The following RYR2 variants were observed in gnomAD, a reference collection of about 807,000 sequenced individuals.
RYR2 encodes ryanodine receptor 2.
RYR2 carries 227 observed loss-of-function variants against 601.1 expected under a neutral mutation model. The ratio of observed to expected loss-of-function variants is 0.38; its 90% CI spans 0.34 to 0.42. The LOEUF (loss-of-function observed/expected upper bound fraction) is 0.42. Among genes scored for constraint, RYR2 ranks in the 10% least tolerant of loss-of-function variants. The probability of loss-of-function intolerance (pLI) is 1.00; values close to 1 mark genes in which losing one functional copy is unlikely to be tolerated. For synonymous variants in RYR2, 2,223 were observed against 2,175.1 expected (o/e 1.02, Z -0.61); for missense variants, 4,646 against 6,156.5 (o/e 0.75, Z 8.21).
At chr1:237,272,338 G>T (rs921704345) in intron 2 of RYR2, among the ~76,000 whole-genome samples, 1 of 151,866 alleles carries the variant, frequency 6.6e-6, no homozygotes, top group African/African-American at 2.4e-5. Context: ...AAAAATAGAG[G>T]GGGGAAGCAG....
intron 1 of RYR2, among the ~76,000 whole-genome samples, chr1:237,084,195 C>G (rs967250706): frequency 6.6e-6 from 1 of 152,166 alleles, no homozygotes; most frequent in African/African-American, 2.4e-5. Flanking sequence ...GTGCCTCATA[C>G]CCATTTTCAC....
At chr1:237,466,368 A>G (rs544139060) in intron 16 of RYR2, among the ~76,000 whole-genome samples, 3 of 152,028 alleles carry the variant, frequency 2.0e-5, no homozygotes, top group Non-Finnish European at 4.4e-5. Context: ...GGGTCATGCT[A>G]TGTTGCCCAG....
At chr1:237,304,764 T>C (rs1441591468) in intron 2 of RYR2, among the ~76,000 whole-genome samples, 1 of 152,226 alleles carries the variant, frequency 6.6e-6, no homozygotes, top group African/African-American at 2.4e-5. Context: ...AAGCAAAAAC[T>C]ACAGACTGTC....
At chr1:237,284,596 CCACACACA>C (rs1558554180) in intron 2 of RYR2, among the ~76,000 whole-genome samples, 1 of 85,422 alleles carries the variant, frequency 1.2e-5, no homozygotes, top group Non-Finnish European at 2.0e-5. Context: ...ACACACAGAC[CCACACACA>C]CATACACACC....
chr1:237,137,490 G>A (rs1005944284), intron 1 of RYR2, among the ~76,000 whole-genome samples: 20 of 152,184 alleles, frequency 1.3e-4, no homozygotes, highest in South Asian at 8.3e-4. Context: ...GTTGTGCTTC[G>A]TTTAGACTTG....
At chr1:237,672,262 C>A (rs1253389272) in intron 58 of RYR2, among the ~76,000 whole-genome samples, 1 of 152,114 alleles carries the variant, frequency 6.6e-6, no homozygotes, top group Non-Finnish European at 1.5e-5. Flanking sequence ...AAATTATAGA[C>A]CTCTTTAAAG....
rs150325348 is a variant in RYR2, at chr1:237,637,990, T to C, written c.6793-367T>C. 2.2e-4 allele frequency among the ~76,000 whole-genome samples: 34 copies of C among 152,064 alleles called. No homozygotes were observed. The East Asian group carries it at 6.6e-3, about 30-fold the overall frequency. ...GGCTGCTGCTTTATTGTCTCCAAAG[T>C]GTTTAAGGAGATGGTGCAAATAAAA... On this transcript the variant is annotated intron_variant, in intron 44 of 104. Transcript: ENST00000366574.
chr1:237,546,993 A>ATTTATTTATT (rs56191820), intron 25 of RYR2, among the ~76,000 whole-genome samples: 77 of 127,396 alleles, frequency 6.0e-4, no homozygotes, highest in African/African-American at 2.0e-3. Context: ...ATATATATAT[A>ATTTATTTATT]TATTTATTTA....
intron 93 of RYR2, 75 bp downstream of exon 93, chr1:237,791,590 C>T (rs1056628763): frequency 3.2e-5 from 25 of 781,468 alleles, no homozygotes; most frequent in Middle Eastern, 5.0e-4. Flanking sequence ...TCACGATGAA[C>T]GTATCTACTA....
At chr1:237,424,219 A>ACTT (rs1705888982) in intron 12 of RYR2, among the ~76,000 whole-genome samples, 2 of 152,200 alleles carry the variant, frequency 1.3e-5, no homozygotes, top group Admixed American at 1.3e-4. Flanking sequence ...AGATTGTGAA[A>ACTT]CTTGGGAAAG....
In RYR2 at chr1:237,654,342, T is replaced by C; in HGVS notation, c.7893T>C (p.Gly2631=). 6.2e-7 allele frequency: 1 copy of C among 1,613,962 alleles called. No homozygotes were observed. Among genetic ancestry groups the C allele is most frequent in the Non-Finnish European group, 8.5e-7 (1 of 1,179,870 alleles). Reference sequence around the variant, plus strand: ...TGCCTGGAGGGTGGGGAAACTTTGGTGCTGCCTCAGAAGAAGAACTTCATT... The same window carrying C: ...TGCCTGGAGGGTGGGGAAACTTTGGCGCTGCCTCAGAAGAAGAACTTCATT... The part of the protein sequence containing the change: ...YCLPGGWGNF[G]AASEEELHLS... Residue 2631 remains glycine (G), a synonymous_variant, in exon 52 of 105, where the codon GGT becomes GGC. Coordinates refer to ENST00000366574, the MANE Select transcript of RYR2 (RefSeq NM_001035.3).
chr1:237,513,928 A>G (rs1213152060), intron 24 of RYR2, among the ~76,000 whole-genome samples: 1 of 152,244 alleles, frequency 6.6e-6, no homozygotes, highest in African/African-American at 2.4e-5. Flanking sequence ...CATTAGGCAT[A>G]AGATTGAGCT....
At position 237,363,195 on chromosome 1, in the gene RYR2, A is replaced by G. The variant is rs146465880; in HGVS notation, c.295-1163A>G. Among the ~76,000 whole-genome samples, 634 of 152,174 alleles carry G rather than the reference A, an allele frequency of 4.2e-3. 7 individuals carry two copies. Among genetic ancestry groups the G allele is most frequent in the African/African-American group, 0.014 (575 of 41,532 alleles). On this transcript the variant is annotated intron_variant, in intron 4 of 104. Transcript: ENST00000366574. ...TAAGGCTTAATAATGATTTTGCCTA[A>G]TTCTTTAGTGATATCTCTACCATTA...
At chr1:237,594,902 T>TTGTTTTTTG (rs1675678869) in intron 33 of RYR2, among the ~76,000 whole-genome samples, 9 of 26,110 alleles carry the variant, frequency 3.4e-4, no homozygotes, top group East Asian at 6.3e-4. Context: ...TTTTTTTTTT[T>TTGTTTTTTG]TTTTTTTTTT....
intron 25 of RYR2, among the ~76,000 whole-genome samples, chr1:237,543,766 TA>T (rs1669534705): frequency 1.3e-5 from 2 of 152,242 alleles, no homozygotes; most frequent in African/African-American, 4.8e-5. Flanking sequence ...TTGTTTTTGT[TA>T]AATCACTTTA....
Position 237,548,370 on chromosome 1 carries a change from T to C in RYR2, c.2907-61T>C, listed in dbSNP as rs1026754538. 5.1e-6 allele frequency: 8 copies of C among 1,553,784 alleles called. No individual in the cohort carries two copies. The Admixed American group carries it at 1.5e-4, about 29-fold the overall frequency. ...AATGAGGTAGGGCCAGAAAATGATA[T>C]TTACAGAGATTTTTATGAAAAGGCC... On this transcript the variant is annotated intron_variant, in intron 25 of 104. Coordinates refer to ENST00000366574, the MANE Select transcript of RYR2 (RefSeq NM_001035.3).
Position 237,670,024 on chromosome 1 carries a change from C to T in RYR2, c.8590+2066C>T, listed in dbSNP as rs1415263751. On this transcript the variant is annotated intron_variant, in intron 58 of 104. Coordinates refer to ENST00000366574, the MANE Select transcript of RYR2 (RefSeq NM_001035.3). ...ATTGAGCACTGAGTGAACGAGACTC[C>T]GTCTGCAATCCTGGCACCTCCAGAG... 2.6e-5 allele frequency among the ~76,000 whole-genome samples: 4 copies of T among 152,062 alleles called. No homozygotes were observed. In the South Asian group the frequency reaches 6.2e-4, roughly 24 times the overall value.
intron 25 of RYR2, among the ~76,000 whole-genome samples, chr1:237,544,859 G>A (rs545132523): frequency 8.5e-5 from 13 of 152,234 alleles, no homozygotes; most frequent in African/African-American, 2.6e-4. Context: ...GATGTCAATA[G>A]TGTTATCCAT....
intron 63 of RYR2, 81 bp downstream of exon 63, chr1:237,687,585 A>G (rs530974395): frequency 3.9e-5 from 41 of 1,039,218 alleles, no homozygotes; most frequent in Non-Finnish European, 5.2e-5. Context: ...GTGTGCTGCT[A>G]TGTTGCATGG....
Sources: gnomAD v4.1 joint callset for allele counts (sites outside exome capture counted in the v4.1 genomes callset) on GRCh38, gnomAD v4.1.1 for gene constraint, MANE v1.5 for transcripts, NCBI Gene and HGNC (gene_info 2026-07-23, HGNC 2026-07-21) for gene names.